RGS13: variants seen among roughly 807,000 people sequenced by gnomAD.
The protein encoded by RGS13 is regulator of G protein signaling 13.
A neutral mutation model predicts 19.9 loss-of-function variants in RGS13; 14 were observed. The observed-to-expected ratio is 0.70, with a 90% CI of 0.46 to 1.10. The LOEUF (loss-of-function observed/expected upper bound fraction) is 1.10. Ranked by LOEUF, RGS13 falls within the 50% of genes least tolerant of loss-of-function variation. The pLI, the probability that RGS13 is intolerant of heterozygous loss-of-function variation, is 0.00. For missense variants in RGS13, 205 were observed against 187.1 expected (o/e 1.10, Z -0.56); for synonymous variants, 60 against 56.8 (o/e 1.06, Z -0.25).
chr1:192,650,177 C>T (rs1467772250), intron 5 of RGS13, among the ~76,000 whole-genome samples: 1 of 152,058 alleles, frequency 6.6e-6, no homozygotes, highest in Non-Finnish European at 1.5e-5. Flanking sequence ...ATCTGCCTTG[C>T]TAGAATCAGC....
At chr1:192,639,052 G>C (rs1227231691) in intron 3 of RGS13, among the ~76,000 whole-genome samples, 1 of 152,030 alleles carries the variant, frequency 6.6e-6, no homozygotes, top group Non-Finnish European at 1.5e-5. Context: ...AAGTTGCTTG[G>C]ACCAAAGAAC....
At chr1:192,657,813 C>A (rs532876113) in intron 5 of RGS13, among the ~76,000 whole-genome samples, 1 of 152,106 alleles carries the variant, frequency 6.6e-6, no homozygotes, top group Admixed American at 6.6e-5. Context: ...TGCTCTTACC[C>A]TACAGTTTGG....
intron 5 of RGS13, among the ~76,000 whole-genome samples, chr1:192,651,552 G>C (rs867161687): frequency 6.6e-6 from 1 of 152,046 alleles, no homozygotes; most frequent in Non-Finnish European, 1.5e-5. Flanking sequence ...ACACAGAAGA[G>C]AGTGGAGATA....
At chr1:192,651,774 C>T (rs1237200673) in intron 5 of RGS13, among the ~76,000 whole-genome samples, 1 of 152,040 alleles carries the variant, frequency 6.6e-6, no homozygotes, top group African/African-American at 2.4e-5. Context: ...TTAATCTGTG[C>T]TCTCAGTGAA....
chr1:192,658,169 T>C (rs774929370), intron 5 of RGS13, 32 bp from the exon 6 acceptor site: 2 of 1,548,520 alleles, frequency 1.3e-6, no homozygotes, highest in Non-Finnish European at 1.7e-6. Context: ...TTTTGACCCA[T>C]GAAAATAAAC....
chr1:192,638,559 T>C (rs1034490776), intron 3 of RGS13, among the ~76,000 whole-genome samples: 1 of 151,954 alleles, frequency 6.6e-6, no homozygotes, highest in Admixed American at 6.6e-5. Flanking sequence ...AACACAAACA[T>C]GTGGATGGAC....
chr1:192,637,910 CT>C (rs1381187003), intron 2 of RGS13, among the ~76,000 whole-genome samples: 1 of 152,052 alleles, frequency 6.6e-6, no homozygotes. Flanking sequence ...TCCTAAAGAA[CT>C]TTACTTTTGT....
intron 4 of RGS13, chr1:192,645,435 G>A (rs182465534): frequency 3.3e-5 from 5 of 152,214 alleles, no homozygotes; most frequent in Non-Finnish European, 7.4e-5. Context: ...TGCGATAGAC[G>A]TTATTATCCC....
rs1380071932 is a variant in RGS13 at position 192,660,018 on chromosome 1, A to G, written c.*495A>G. The G allele has an allele frequency of 6.6e-6, 1 of 152,106 alleles. No individual in the cohort carries two copies. Among genetic ancestry groups the G allele is most frequent in the African/African-American group, 2.4e-5 (1 of 41,456 alleles). The allele number at this position is 152,106 out of a possible 1,614,324, so 9.4% of individuals were successfully genotyped here. On this transcript the variant is annotated 3_prime_UTR_variant, in exon 7 of 7. Transcript: ENST00000391995. ...AATCAAAAAGGTGTTCTTCAGAGAC[A>G]TTTTATCTATAAAATTTTCCTACTA...
At chr1:192,637,001 T>TCCC (rs1663028697) in intron 1 of RGS13, among the ~76,000 whole-genome samples, 3 of 151,952 alleles carry the variant, frequency 2.0e-5, no homozygotes, top group Admixed American at 2.0e-4. Context: ...CAGAATTGCT[T>TCCC]TAAGAAAATT....
intron 5 of RGS13, 29 bp from the exon 6 acceptor site, chr1:192,658,172 A>G (rs762422146): frequency 3.2e-6 from 5 of 1,558,418 alleles, no homozygotes; most frequent in Non-Finnish European, 4.3e-6. Flanking sequence ...TGACCCATGA[A>G]AATAAACTGA....
chr1:192,660,268 A>T lies in RGS13; in HGVS notation c.*745A>T, dbSNP rs571395394. 1.3e-5 allele frequency: 2 copies of T among 152,286 alleles called. No homozygotes were observed. The highest frequency in any genetic ancestry group is 1.3e-4 in the Admixed American group (2 of 15,294). 9.4% of individuals were successfully genotyped at this position (152,286 alleles called of 1,614,324 possible). ...AGTCAAATATCAACTAAAGACTTAC[A>T]TTATCTTTCTCAAAGACAAAATAAA... On this transcript the variant is annotated 3_prime_UTR_variant, in exon 7 of 7. Transcript: ENST00000391995.
Position 192,659,394 on chromosome 1 carries a change from T to C in RGS13, c.351T>C (p.Thr117=). Residue 117 remains threonine, a synonymous_variant, in exon 7 of 7, where the codon ACT becomes ACC. Transcript: ENST00000391995. Reference sequence around the variant, plus strand: ...TCATCAGGAACATTCAGGAACCCACTGAAACATGTTTTGAAGAAGCTCAGA... The same window carrying C: ...TCATCAGGAACATTCAGGAACCCACCGAAACATGTTTTGAAGAAGCTCAGA... ...ETIIRNIQEP[T]ETCFEEAQKI... is the part of the protein sequence containing the mutation. 1 of 1,613,080 alleles carries C rather than the reference T, an allele frequency of 6.2e-7. No individual in the cohort carries two copies. Among genetic ancestry groups the C allele is most frequent in the Non-Finnish European group, 8.5e-7 (1 of 1,179,392 alleles).
chr1:192,656,078 T>C (rs544601752), intron 5 of RGS13, among the ~76,000 whole-genome samples: 2 of 152,218 alleles, frequency 1.3e-5, no homozygotes, highest in East Asian at 3.9e-4. Flanking sequence ...TGATAACCTA[T>C]AAACATTTTA....
chr1:192,641,908 G>A (rs979285157), intron 3 of RGS13, among the ~76,000 whole-genome samples: 5 of 152,040 alleles, frequency 3.3e-5, no homozygotes, highest in African/African-American at 1.2e-4. Context: ...GGGTCAACAA[G>A]TTCTAATAGT....
chr1:192,655,551 C>T (rs764595836), intron 5 of RGS13, among the ~76,000 whole-genome samples: 12 of 151,976 alleles, frequency 7.9e-5, no homozygotes, highest in Non-Finnish European at 1.3e-4. Context: ...TCTGCTTGAA[C>T]GTGTCCATAG....
intron 4 of RGS13, chr1:192,646,904 C>G (rs2102032929): frequency 6.6e-6 from 1 of 152,180 alleles, no homozygotes; most frequent in East Asian, 1.9e-4. Flanking sequence ...AGTCATTTGC[C>G]AATTCACCTC....
At chr1:192,638,719 C>A (rs1425427104) in intron 3 of RGS13, among the ~76,000 whole-genome samples, 1 of 152,092 alleles carries the variant, frequency 6.6e-6, no homozygotes, top group African/African-American at 2.4e-5. Flanking sequence ...TCTATTTATT[C>A]TATGCATAAC....
Position 192,655,395 on chromosome 1 carries a change from T to C in RGS13, c.128-2806T>C, listed in dbSNP as rs867594793. ...ATAAAGGTTCACTTCTTTTTCATGA[T>C]ACACAACAGCTAGGGTCAGCTCCAG... is the stretch of plus-strand genomic sequence containing the variant. On this transcript the variant is annotated intron_variant, in intron 5 of 6. Transcript: ENST00000391995. Among the ~76,000 whole-genome samples, 11 of 152,286 alleles carry C rather than the reference T, an allele frequency of 7.2e-5. No homozygotes were observed. The South Asian group carries it at 8.3e-4, about 11-fold the overall frequency.
Sources: gnomAD v4.1 joint callset for allele counts (sites outside exome capture counted in the v4.1 genomes callset) on GRCh38, gnomAD v4.1.1 for gene constraint, MANE v1.5 for transcripts, NCBI Gene and HGNC (gene_info 2026-07-23, HGNC 2026-07-21) for gene names.